Variants in URM1 observed in about 807,000 individuals in gnomAD.
URM1 encodes the protein ubiquitin related modifier 1.
A neutral mutation model predicts 17.7 loss-of-function variants in URM1; 11 were observed. The observed-to-expected ratio is 0.62, with a 90% confidence interval of 0.39 to 1.03. The LOEUF (loss-of-function observed/expected upper bound fraction) is 1.03, where lower values mean the gene tolerates loss of function less well. Ranked by LOEUF, URM1 falls within the 50% of genes least tolerant of loss-of-function variation. The pLI, the probability that URM1 is intolerant of heterozygous loss-of-function variation, is 0.00. For synonymous variants in URM1, 48 were observed against 50.6 expected (o/e 0.95, Z 0.22); for missense variants, 128 against 129.2 (o/e 0.99, Z 0.04).
At chr9:128,386,559 C>A (rs1833230063) in intron 2 of URM1, among the ~76,000 whole-genome samples, 1 of 152,262 alleles carries the variant, frequency 6.6e-6, no homozygotes, top group South Asian at 2.1e-4. Context: ...ACCATCCAGG[C>A]TGCAGGCCTG....
intron 3 of URM1, chr9:128,389,017 T>G (rs1174764930): frequency 3.8e-6 from 5 of 1,331,568 alleles, no homozygotes; most frequent in South Asian, 4.4e-5. Flanking sequence ...CTGCCCATGG[T>G]CTGGGTGGTG....
chr9:128,388,814 G>C, intron 3 of URM1: 1 of 990,990 alleles, frequency 1.0e-6, no homozygotes, highest in Non-Finnish European at 1.2e-6. Flanking sequence ...CTAAAAAAAA[G>C]CCGAAGTTCT....
At chr9:128,371,989 G>A (rs937390667) in intron 1 of URM1, among the ~76,000 whole-genome samples, 2 of 152,124 alleles carry the variant, frequency 1.3e-5, no homozygotes, top group Admixed American at 6.6e-5. Flanking sequence ...TGGAGACACG[G>A]GGACAAATAA....
At chr9:128,388,203 C>T in intron 3 of URM1, 1 of 1,198,874 alleles carries the variant, frequency 8.3e-7, no homozygotes, top group African/African-American at 1.5e-5. Context: ...CTCAGTTACT[C>T]TCTACACAGA....
In URM1 at chr9:128,371,384, G is replaced by A. The variant is rs751970847; in HGVS notation, c.4G>A (p.Ala2Thr). 2.5e-6 allele frequency: 4 copies of A among 1,612,988 alleles called. No homozygotes were observed. The highest frequency in any genetic ancestry group is 4.5e-5 in the East Asian group (2 of 44,722). Residue 2 changes from alanine (A) to threonine (T), a missense_variant, in exon 1 of 5, where the codon GCT (alanine) becomes ACT (threonine). Coordinates refer to ENST00000372853, the MANE Select transcript of URM1 (RefSeq NM_030914.4). ...CTGCGAGCTCGGCTTCCTCAACATG[G>A]CTGCGCCCTTGTCAGTGGAGGTGGA... M[A>T]APLSVEVEFG... is the part of the protein sequence containing the mutation.
intron 2 of URM1, among the ~76,000 whole-genome samples, chr9:128,380,054 A>C (rs779652666): frequency 6.6e-6 from 1 of 152,198 alleles, no homozygotes; most frequent in Admixed American, 6.5e-5. Flanking sequence ...TCGAGACTAC[A>C]GTGAGCTATG....
intron 2 of URM1, among the ~76,000 whole-genome samples, chr9:128,385,736 G>C (rs1413537961): frequency 6.6e-6 from 1 of 152,130 alleles, no homozygotes; most frequent in Non-Finnish European, 1.5e-5. Flanking sequence ...GCCAGGCCGA[G>C]TGGCCCTTGC....
Position 128,378,086 on chromosome 9 carries a change from T to C in URM1, c.86T>C (p.Leu29Ser), listed in dbSNP as rs954051652. Residue 29 changes from leucine (L) to serine (S), a missense_variant, in exon 2 of 5, where the codon TTG becomes TCG. Physicochemically the swap from Leu to Ser is moderately radical, Grantham distance 145 (BLOSUM62 -2). Transcript: ENST00000372853. ...GGTATTAAGAAACATCGAGTCACTT[T>C]GCCTGGACAGGAGGAACCCTGTGAG... is the stretch of plus-strand genomic sequence containing the variant. ...FDGIKKHRVT[L>S]PGQEEPWDIR... The C allele has an allele frequency of 6.2e-7, 1 of 1,610,732 alleles. No individual in the cohort carries two copies. Among genetic ancestry groups the C allele is most frequent in the Non-Finnish European group, 8.5e-7 (1 of 1,178,544 alleles).
At position 128,389,984 on chromosome 9, in the gene URM1, G is replaced by A. The variant is rs1341170664; in HGVS notation, c.*250G>A. On this transcript the variant is annotated 3_prime_UTR_variant, in exon 5 of 5. Transcript: ENST00000372853. Reference sequence around the variant, plus strand: ...TTTCCAGCAGCTGTGGTGGGGGAGGGTTCCCCTCCAGTTTGTCAAGAGTTG... The same window carrying A: ...TTTCCAGCAGCTGTGGTGGGGGAGGATTCCCCTCCAGTTTGTCAAGAGTTG... The A allele has an allele frequency of 7.1e-6, 4 of 561,720 alleles. No individual in the cohort carries two copies. Among genetic ancestry groups the A allele is most frequent in the African/African-American group, 1.9e-5 (1 of 52,518 alleles). 34.8% of individuals were successfully genotyped at this position (561,720 alleles called of 1,614,324 possible). A position where few individuals can be genotyped will look rare whatever the true frequency, so the allele number is the denominator to read the frequency against.
intron 1 of URM1, among the ~76,000 whole-genome samples, chr9:128,373,174 C>T (rs967723317): frequency 7.0e-6 from 1 of 143,640 alleles, no homozygotes; most frequent in Non-Finnish European, 1.5e-5. Context: ...CAACATTCCT[C>T]CACCCACCCA....
intron 2 of URM1, among the ~76,000 whole-genome samples, chr9:128,383,084 A>T (rs1053790184): frequency 6.6e-6 from 1 of 151,734 alleles, no homozygotes; most frequent in African/African-American, 2.4e-5. Flanking sequence ...GGCGCTTTAA[A>T]CTGCTTAGCA....
At chr9:128,386,043 C>T (rs1274171400) in intron 2 of URM1, among the ~76,000 whole-genome samples, 1 of 152,242 alleles carries the variant, frequency 6.6e-6, no homozygotes, top group Non-Finnish European at 1.5e-5. Context: ...CCCCCACCCC[C>T]AGGCCTATCC....
intron 4 of URM1, 136 bp from the exon 5 acceptor site, chr9:128,389,530 G>T: frequency 1.3e-6 from 2 of 1,547,506 alleles, no homozygotes; most frequent in Non-Finnish European, 1.7e-6. Flanking sequence ...GCAGGTTGAG[G>T]TATAGGATAC....
rs148587221 is a variant in URM1 at position 128,388,318 on chromosome 9, G to C, written c.188+421G>C. 41 of 1,016,196 alleles carry C rather than the reference G, an allele frequency of 4.0e-5. No individual in the cohort carries two copies. In the East Asian group the frequency reaches 3.8e-3, roughly 94 times the overall value. 62.9% of individuals were successfully genotyped at this position (1,016,196 alleles called of 1,614,324 possible). On this transcript the variant is annotated intron_variant, in intron 3 of 4. Transcript: ENST00000372853. Reference sequence around the variant, plus strand: ...CATGCAGCTAGTAGATTACCATACAGTGCAGCACGGGTCTAGAATTCCAAG... The same window carrying C: ...CATGCAGCTAGTAGATTACCATACACTGCAGCACGGGTCTAGAATTCCAAG...
rs1424840504 is a variant in URM1 at position 128,390,493 on chromosome 9, G to GA, written c.*760dup. 2 of 151,160 alleles carry GA rather than the reference G, an allele frequency of 1.3e-5. No individual in the cohort carries two copies. The highest frequency in any genetic ancestry group is 2.9e-5 in the Non-Finnish European group (2 of 68,066). The allele number at this position is 151,160 out of a possible 1,614,324, so 9.4% of individuals were successfully genotyped here. A position where few individuals can be genotyped will look rare whatever the true frequency, so the allele number is the denominator to read the frequency against. ...GGACTAGCAAGTAGAAGCCTGGGGGGATGCGTGTGCCTCAGTTTCCTCCTC... is the reference window on the plus strand; with the variant it reads ...GGACTAGCAAGTAGAAGCCTGGGGGGAATGCGTGTGCCTCAGTTTCCTCCTC... On this transcript the variant is annotated 3_prime_UTR_variant, in exon 5 of 5. Coordinates refer to ENST00000372853, the MANE Select transcript of URM1 (RefSeq NM_030914.4).
chr9:128,374,189 A>G (rs950635123), intron 1 of URM1, among the ~76,000 whole-genome samples: 1 of 151,680 alleles, frequency 6.6e-6, no homozygotes, highest in East Asian at 1.9e-4. Context: ...ACCTTCCCCC[A>G]CTCCAGATGT....
intron 1 of URM1, among the ~76,000 whole-genome samples, chr9:128,371,973 G>A (rs1046116605): frequency 1.3e-5 from 2 of 152,208 alleles, no homozygotes; most frequent in Non-Finnish European, 2.9e-5. Context: ...CAGAACTGGA[G>A]TCAGGTGGAG....
intron 1 of URM1, 177 bp from the exon 2 acceptor site, chr9:128,377,859 C>T: frequency 1.5e-6 from 1 of 652,822 alleles, no homozygotes. Context: ...GAACCTGTCT[C>T]TAAGAAAGAA....
Position 128,387,104 on chromosome 9 carries a change from G to T in URM1, c.107-712G>T, listed in dbSNP as rs1833238422. ...CTCCACATGACATACAAGGAGGCTG[G>T]TGGCTCCCCCAGAACCACAAGGAGG... On this transcript the variant is annotated intron_variant, in intron 2 of 4. Coordinates refer to ENST00000372853, the MANE Select transcript of URM1 (RefSeq NM_030914.4). This position sits in a 1 kb window ranked among gnomAD's most constrained non-coding sequence, Gnocchi z 4.3. 1.3e-5 allele frequency among the ~76,000 whole-genome samples: 2 copies of T among 152,232 alleles called. No individual in the cohort carries two copies. Among genetic ancestry groups the T allele is most frequent in the African/African-American group, 4.8e-5 (2 of 41,454 alleles).
Sources: allele counts gnomAD v4.1 joint callset (sites outside exome capture counted in the v4.1 genomes callset), GRCh38; gene constraint gnomAD v4.1.1; non-coding constraint Gnocchi (gnomAD v3.1); transcripts MANE v1.5; gene names NCBI Gene and HGNC (gene_info 2026-07-23, HGNC 2026-07-21).